The following ARRDC4 variants were observed in gnomAD, a reference collection of about 807,000 sequenced individuals.
The protein encoded by ARRDC4 is arrestin domain containing 4.
In ARRDC4, 40 loss-of-function variants were observed where a neutral mutation model predicts 44.6. That is an observed-to-expected ratio of 0.90 (90% confidence interval 0.70 to 1.17). The LOEUF (loss-of-function observed/expected upper bound fraction) is 1.17, where lower values mean the gene tolerates loss of function less well. ARRDC4 is among the 50% of genes most tolerant of loss of function. ARRDC4 has a pLI of 0.00. For synonymous variants in ARRDC4, 211 were observed against 221.2 expected (o/e 0.95, Z 0.41); for missense variants, 550 against 559.1 (o/e 0.98, Z 0.16).
At position 97,969,866 on chromosome 15, in the gene ARRDC4, T is replaced by C. The variant is rs747938260; in HGVS notation, c.883-17T>C. 6.6e-7 allele frequency: 1 copy of C among 1,518,074 alleles called. No homozygotes were observed. Among genetic ancestry groups the C allele is most frequent in the East Asian group, 2.3e-5 (1 of 43,562 alleles). 94.0% of individuals were successfully genotyped at this position (1,518,074 alleles called of 1,614,324 possible). ...CATTTGTTCCTTTCTCTTTTTTTTT[T>C]TTTTTTGGCTTATTAGGTATACATT... On this transcript the variant is annotated splice_polypyrimidine_tract_variant and intron_variant, in intron 5 of 7. Transcript: ENST00000268042.
intron 4 of ARRDC4, 89 bp from the exon 5 acceptor site, chr15:97,969,034 G>C: frequency 7.5e-7 from 1 of 1,334,532 alleles, no homozygotes; most frequent in Non-Finnish European, 1.0e-6. Flanking sequence ...AAGTGATGTT[G>C]GAACATTTCA....
intron 4 of ARRDC4, 71 bp from the exon 5 acceptor site, chr15:97,969,052 G>C: frequency 6.8e-7 from 1 of 1,472,794 alleles, no homozygotes. Context: ...TCAGCTATAC[G>C]GCCCTAATCC....
rs3840017 is a variant in ARRDC4 at position 97,971,538 on chromosome 15, G to GTGTTT, written c.*353_*354insTTTTG. ...GGAAACACTGTGGGAGTTTCCCATG[G>GTGTTT]TGAAGAGTGGAACGAAGGCGATATG... On this transcript the variant is annotated 3_prime_UTR_variant, in exon 8 of 8. Transcript: ENST00000268042. 133,379 of 266,622 alleles carry GTGTTT rather than the reference G, an allele frequency of 0.5. 34,705 individuals are homozygous for GTGTTT. Among genetic ancestry groups the GTGTTT allele is most frequent in the South Asian group, 0.65 (14,316 of 22,142 alleles). The allele number at this position is 266,622 out of a possible 1,614,324, so 16.5% of individuals were successfully genotyped here.
At chr15:97,964,856 C>T (rs1899387974) in intron 1 of ARRDC4, among the ~76,000 whole-genome samples, 2 of 152,180 alleles carry the variant, frequency 1.3e-5, no homozygotes, top group African/African-American at 4.8e-5. Context: ...TTTTCCATTT[C>T]TGCTCAAAGA....
rs768522440 is a variant in ARRDC4 at position 97,968,079 on chromosome 15, G to T, written c.588G>T (p.Ser196=). The change falls in exon 4 of 8, where the codon TCG becomes TCT. Residue 196 remains serine (S), a synonymous_variant. Coordinates refer to ENST00000268042, the MANE Select transcript of ARRDC4 (RefSeq NM_183376.3). The surrounding 1 kb of genome is among the most constrained non-coding windows in gnomAD (Gnocchi z 5.4). ...GGTTTTTCACTTCTGGTCCAGTCTC[G>T]CTGAGTGCCAAAATTGAAAGAAAGG... The part of the protein sequence containing the change: ...GCWFFTSGPV[S]LSAKIERKGY... 1.9e-6 allele frequency: 3 copies of T among 1,602,318 alleles called. No homozygotes were observed. The highest frequency in any genetic ancestry group is 2.6e-6 in the Non-Finnish European group (3 of 1,174,136).
rs1285208233 is a variant in ARRDC4, at chr15:97,971,247, GC to G, written c.*62del. The G allele has an allele frequency of 3.8e-5, 57 of 1,508,216 alleles. No individual in the cohort carries two copies. The highest frequency in any genetic ancestry group is 5.1e-5 in the Admixed American group (3 of 59,094). The allele number at this position is 1,508,216 out of a possible 1,614,324, so 93.4% of individuals were successfully genotyped here. Reference sequence around the variant, plus strand: ...TTAGAATGTTGGTTCTTTTCCTTCTGCCTTTTTGGGAAAGAGACAGGAAAGA... The same window carrying G: ...TTAGAATGTTGGTTCTTTTCCTTCTGCTTTTTGGGAAAGAGACAGGAAAGA... On this transcript the variant is annotated 3_prime_UTR_variant, in exon 8 of 8. Coordinates refer to ENST00000268042, the MANE Select transcript of ARRDC4 (RefSeq NM_183376.3).
chr15:97,970,695 T>A lies in ARRDC4; in HGVS notation c.1152T>A (p.Phe384Leu). 6.2e-7 allele frequency: 1 copy of A among 1,613,660 alleles called. No homozygotes were observed. Among genetic ancestry groups the A allele is most frequent in the Non-Finnish European group, 8.5e-7 (1 of 1,179,686 alleles). ...NCEGEVCCPV[F>L]ACIQEFRFQP... ...AGGGAGAAGTGTGCTGTCCTGTGTT[T>A]GCCTGTATACAAGAATTCCGGTTTC... Residue 384 changes from phenylalanine to leucine, a missense_variant, in exon 7 of 8, where the codon TTT becomes TTA. Transcript: ENST00000268042. This position sits in a 1 kb window ranked among gnomAD's most constrained non-coding sequence, Gnocchi z 4.2.
rs758119028 is a variant in ARRDC4 at position 97,971,124 on chromosome 15, T to A, written c.1201-7T>A. 1.2e-6 allele frequency: 2 copies of A among 1,613,168 alleles called. No homozygotes were observed. Among genetic ancestry groups the A allele is most frequent in the Non-Finnish European group, 1.7e-6 (2 of 1,179,242 alleles). ...AACACTAATCTCAGTCCGCTCTTTTTTTGCAGGTTGACCCACATCCTAGCG... is the reference window on the plus strand; with the variant it reads ...AACACTAATCTCAGTCCGCTCTTTTATTGCAGGTTGACCCACATCCTAGCG... On this transcript the variant is annotated splice_region_variant and splice_polypyrimidine_tract_variant and intron_variant, in intron 7 of 7. Transcript: ENST00000268042.
Position 97,970,876 on chromosome 15 carries a change from G to A in ARRDC4, c.1200+133G>A. ...ATACATTTAAATTTGTTTATACAGT[G>A]GTAATAGATTATCGCTGATTCATTT... On this transcript the variant is annotated intron_variant, in intron 7 of 7. Coordinates refer to ENST00000268042, the MANE Select transcript of ARRDC4 (RefSeq NM_183376.3). This position sits in a 1 kb window ranked among gnomAD's most constrained non-coding sequence, Gnocchi z 4.2. 8.7e-7 allele frequency: 1 copy of A among 1,143,052 alleles called. No individual in the cohort carries two copies. Among genetic ancestry groups the A allele is most frequent in the Non-Finnish European group, 1.2e-6 (1 of 818,132 alleles). 70.8% of individuals were successfully genotyped at this position (1,143,052 alleles called of 1,614,324 possible).
chr15:97,963,710 C>G (rs554196252), intron 1 of ARRDC4, among the ~76,000 whole-genome samples: 1 of 152,328 alleles, frequency 6.6e-6, no homozygotes, highest in Admixed American at 6.5e-5. Flanking sequence ...AATCTCCTTT[C>G]CTCCCCCGGT....
In ARRDC4 at chr15:97,966,056, T is replaced by C; in HGVS notation, c.522+14T>C. ...CCAGCATTATTAGTAAGTTCTTCCTTTTTCTCTTCCTCCTCCTTTTCCTCC... is the reference window on the plus strand; with the variant it reads ...CCAGCATTATTAGTAAGTTCTTCCTCTTTCTCTTCCTCCTCCTTTTCCTCC... On this transcript the variant is annotated intron_variant, in intron 3 of 7. Transcript: ENST00000268042. The surrounding 1 kb of genome is among the most constrained non-coding windows in gnomAD (Gnocchi z 4.7). 1 of 1,613,708 alleles carries C rather than the reference T, an allele frequency of 6.2e-7. No homozygotes were observed.
At position 97,970,078 on chromosome 15, in the gene ARRDC4, C is replaced by T; in HGVS notation, c.1045+33C>T. ...ATGTTGGCGTTCTTTCATAACGAAG[C>T]TTTACCTAGAAAATACCTAGGAACA... On this transcript the variant is annotated intron_variant, in intron 6 of 7. Transcript: ENST00000268042. This position sits in a 1 kb window ranked among gnomAD's most constrained non-coding sequence, Gnocchi z 4.2. The T allele has an allele frequency of 1.3e-6, 2 of 1,592,312 alleles. No individual in the cohort carries two copies. The highest frequency in any genetic ancestry group is 1.7e-6 in the Non-Finnish European group (2 of 1,163,898).
At chr15:97,969,072 A>C in intron 4 of ARRDC4, 51 bp from the exon 5 acceptor site, 1 of 1,587,318 alleles carries the variant, frequency 6.3e-7, no homozygotes, top group East Asian at 2.2e-5. Context: ...CATTGTGGTG[A>C]GAACTTTTTC....
intron 1 of ARRDC4, among the ~76,000 whole-genome samples, chr15:97,961,551 C>A (rs1444477400): frequency 6.6e-6 from 1 of 152,176 alleles, no homozygotes; most frequent in Non-Finnish European, 1.5e-5. Flanking sequence ...CTGCGGTGCC[C>A]GTGTCCTATG....
chr15:97,969,878 A>C lies in ARRDC4; in HGVS notation c.883-5A>C. 7.2e-7 allele frequency: 1 copy of C among 1,387,910 alleles called. No individual in the cohort carries two copies. Among genetic ancestry groups the C allele is most frequent in the Non-Finnish European group, 9.4e-7 (1 of 1,064,078 alleles). The allele number at this position is 1,387,910 out of a possible 1,614,324, so 86.0% of individuals were successfully genotyped here. On this transcript the variant is annotated splice_region_variant and splice_polypyrimidine_tract_variant and intron_variant, in intron 5 of 7. Coordinates refer to ENST00000268042, the MANE Select transcript of ARRDC4 (RefSeq NM_183376.3). ...TCTCTTTTTTTTTTTTTTTTGGCTT[A>C]TTAGGTATACATTCACATTCCTGGT...
chr15:97,962,868 A>G (rs888847140), intron 1 of ARRDC4, among the ~76,000 whole-genome samples: 3 of 152,198 alleles, frequency 2.0e-5, no homozygotes, highest in South Asian at 2.1e-4. Context: ...CTGTGTTTCA[A>G]TCACCTAAGG....
In ARRDC4 at chr15:97,971,121, T is replaced by G. The variant is rs1345290740; in HGVS notation, c.1201-10T>G. The stretch of plus-strand genomic sequence containing the variant: ...TACAACACTAATCTCAGTCCGCTCT[T>G]TTTTTGCAGGTTGACCCACATCCTA... On this transcript the variant is annotated splice_polypyrimidine_tract_variant and intron_variant, in intron 7 of 7. Coordinates refer to ENST00000268042, the MANE Select transcript of ARRDC4 (RefSeq NM_183376.3). 6.2e-7 allele frequency: 1 copy of G among 1,613,076 alleles called. No homozygotes were observed. The highest frequency in any genetic ancestry group is 8.5e-7 in the Non-Finnish European group (1 of 1,179,196).
At chr15:97,961,268 A>T in intron 1 of ARRDC4, 100 bp downstream of exon 1, 1 of 1,135,278 alleles carries the variant, frequency 8.8e-7, no homozygotes, top group South Asian at 2.7e-5. Flanking sequence ...GGCAGGTGAG[A>T]TCAGGGCGGG....
rs1344506851 is a variant in ARRDC4 at position 97,971,509 on chromosome 15, C to T, written c.*322C>T. 1 of 326,848 alleles carries T rather than the reference C, an allele frequency of 3.1e-6. No homozygotes were observed. The highest frequency in any genetic ancestry group is 5.8e-6 in the Non-Finnish European group (1 of 171,446). The allele number at this position is 326,848 out of a possible 1,614,324, so 20.2% of individuals were successfully genotyped here. A position where few individuals can be genotyped will look rare whatever the true frequency, so the allele number is the denominator to read the frequency against. On this transcript the variant is annotated 3_prime_UTR_variant, in exon 8 of 8. Coordinates refer to ENST00000268042, the MANE Select transcript of ARRDC4 (RefSeq NM_183376.3). Reference sequence around the variant, plus strand: ...GACGTGAGAGAAAGGAATCTGTAAACAGTGGAAACACTGTGGGAGTTTCCC... The same window carrying T: ...GACGTGAGAGAAAGGAATCTGTAAATAGTGGAAACACTGTGGGAGTTTCCC...
Sources: allele counts gnomAD v4.1 joint callset (sites outside exome capture counted in the v4.1 genomes callset), GRCh38; gene constraint gnomAD v4.1.1; non-coding constraint Gnocchi (gnomAD v3.1); transcripts MANE v1.5; gene names NCBI Gene and HGNC (gene_info 2026-07-23, HGNC 2026-07-21).